The following NCOR1 variants were observed in gnomAD, a reference collection of about 807,000 sequenced individuals.
NCOR1 encodes nuclear receptor corepressor 1.
Under a neutral mutation model 288.1 loss-of-function variants are expected in NCOR1, and 63 were observed. The observed-to-expected ratio is 0.22, with a 90% CI of 0.18 to 0.27. The LOEUF is 0.27. Ranked by LOEUF, NCOR1 falls within the 10% of genes least tolerant of loss-of-function variation. The pLI is 1.00. For missense variants in NCOR1, 2,397 were observed against 3,019.2 expected (o/e 0.79, Z 4.83); for synonymous variants, 1,007 against 1,065.9 (o/e 0.94, Z 1.08).
intron 22 of NCOR1, 106 bp from the exon 23 acceptor site, chr17:16,086,548 G>T (rs1180039700): frequency 2.0e-6 from 2 of 1,008,188 alleles, no homozygotes; most frequent in African/African-American, 1.6e-5. Flanking sequence ...ATTAAAAAAT[G>T]TAAGATGAAA....
chr17:16,199,825 T>C (rs1367949261), intron 1 of NCOR1, among the ~76,000 whole-genome samples: 2 of 152,188 alleles, frequency 1.3e-5, no homozygotes, highest in African/African-American at 4.8e-5. Flanking sequence ...TATCAACATA[T>C]AATGTTTTAG....
intron 22 of NCOR1, among the ~76,000 whole-genome samples, chr17:16,089,174 A>G (rs1330557330): frequency 6.6e-6 from 1 of 151,202 alleles, no homozygotes; most frequent in Non-Finnish European, 1.5e-5. Context: ...AAACACAGCT[A>G]TCTACATCAC....
chr17:16,077,450 A>AGGGG (rs2062643653), intron 26 of NCOR1, among the ~76,000 whole-genome samples: 1 of 99,804 alleles, frequency 1.0e-5, no homozygotes, highest in Admixed American at 1.1e-4. Flanking sequence ...AAGGAAAGGG[A>AGGGG]AGGAGAGGAG....
chr17:16,029,301 A>C lies in NCOR1; in HGVS notation c.*2995T>G, dbSNP rs1170787505. 2.2e-6 allele frequency: 1 copy of C among 449,770 alleles called. No homozygotes were observed. The highest frequency in any genetic ancestry group is 1.6e-5 in the South Asian group (1 of 62,656). The allele number at this position is 449,770 out of a possible 1,614,324, so 27.9% of individuals were successfully genotyped here. ...CATTACAGTTCATTTACACTGTTGT[A>C]AAATAAGGTACTGAAGCAAAAGGAG... On this transcript the variant is annotated 3_prime_UTR_variant, in exon 46 of 46. Transcript: ENST00000268712.
intron 18 of NCOR1, among the ~76,000 whole-genome samples, chr17:16,110,553 A>C (rs1309122503): frequency 6.6e-6 from 1 of 152,230 alleles, no homozygotes; most frequent in African/African-American, 2.4e-5. Flanking sequence ...ATGTTACTAA[A>C]TAGAAGGCTT....
chr17:16,075,514 T>G lies in NCOR1; in HGVS notation c.3670+20A>C, dbSNP rs770048145. 5.1e-5 allele frequency: 82 copies of G among 1,610,848 alleles called. No individual in the cohort carries two copies. The highest frequency in any genetic ancestry group is 6.8e-5 in the Non-Finnish European group (80 of 1,177,634). ...GCACATATTGTAATACTGGCTTTGG[T>G]GCATACATACAATACTTACTATCAT... On this transcript the variant is annotated intron_variant, in intron 27 of 45. Transcript: ENST00000268712.
chr17:16,067,575 G>A (rs986721385), intron 32 of NCOR1, among the ~76,000 whole-genome samples: 1 of 152,214 alleles, frequency 6.6e-6, no homozygotes, highest in East Asian at 1.9e-4. Context: ...TATGCTGTAA[G>A]TTAACATGTT....
chr17:16,092,696 T>TATATATATATATATA (rs1491299823), intron 21 of NCOR1, among the ~76,000 whole-genome samples: 3 of 9,320 alleles, frequency 3.2e-4, no homozygotes, highest in African/African-American at 1.5e-3. Context: ...TATATATATA[T>TATATATATATATATA]TTTTTTTTTT....
intron 8 of NCOR1, chr17:16,151,715 A>G (rs2078894185): frequency 8.6e-7 from 1 of 1,163,016 alleles, no homozygotes; most frequent in African/African-American, 1.6e-5. Flanking sequence ...TTATAAAACC[A>G]GCTAGTTTTA....
In NCOR1 at chr17:16,089,229, T is replaced by C. The variant is rs150771398; in HGVS notation, c.3016+2634A>G. On this transcript the variant is annotated intron_variant, in intron 22 of 45. Coordinates refer to ENST00000268712, the MANE Select transcript of NCOR1 (RefSeq NM_006311.4). Reference sequence around the variant, plus strand: ...AAGAAAAACAGCAACAGCAACAAAATAAACATGCAACAAACTAGGGTCAGT... The same window carrying C: ...AAGAAAAACAGCAACAGCAACAAAACAAACATGCAACAAACTAGGGTCAGT... Among the ~76,000 whole-genome samples, 250 of 150,546 alleles carry C rather than the reference T, an allele frequency of 1.7e-3. 1 individual carries two copies. The highest frequency in any genetic ancestry group is 5.6e-3 in the African/African-American group (231 of 41,080).
Position 16,101,871 on chromosome 17 carries a change from T to C in NCOR1, c.2183-114A>G, listed in dbSNP as rs532315447. 8 of 1,342,604 alleles carry C rather than the reference T, an allele frequency of 6.0e-6. No individual in the cohort carries two copies. In the South Asian group the frequency reaches 1.0e-4, roughly 17 times the overall value. 83.2% of individuals were successfully genotyped at this position (1,342,604 alleles called of 1,614,324 possible). A position where few individuals can be genotyped will look rare whatever the true frequency, so the allele number is the denominator to read the frequency against. Reference sequence around the variant, plus strand: ...ATGTTTCAGGTGGTGATAGAAACCATGTTTGAAAGTAGTTGTTTAGGATGA... The same window carrying C: ...ATGTTTCAGGTGGTGATAGAAACCACGTTTGAAAGTAGTTGTTTAGGATGA... On this transcript the variant is annotated intron_variant, in intron 19 of 45. Coordinates refer to ENST00000268712, the MANE Select transcript of NCOR1 (RefSeq NM_006311.4).
chr17:16,040,131 T>G, intron 43 of NCOR1: 1 of 517,172 alleles, frequency 1.9e-6, no homozygotes, highest in Admixed American at 2.3e-5. Flanking sequence ...TAAGGAAATT[T>G]GTTTCCCAAG....
At chr17:16,092,678 TATATATATATA>T (rs1305233552) in intron 21 of NCOR1, among the ~76,000 whole-genome samples, 274 of 24,996 alleles carry the variant, frequency 0.011, 28 homozygotes, top group African/African-American at 0.031. Context: ...TATATATATA[TATATATATATA>T]TATATATTTT....
chr17:16,184,155 T>C (rs178822), intron 3 of NCOR1, among the ~76,000 whole-genome samples: 80,685 of 152,100 alleles, frequency 0.53, 21,835 homozygotes, highest in Middle Eastern at 0.61. Flanking sequence ...AGAAAAGCTC[T>C]GGGACACCGA....
Position 16,057,494 on chromosome 17 carries a change from A to C in NCOR1, c.6392+20T>G, listed in dbSNP as rs2060073197. 1.9e-6 allele frequency: 3 copies of C among 1,602,260 alleles called. No homozygotes were observed. Among genetic ancestry groups the C allele is most frequent in the Non-Finnish European group, 2.6e-6 (3 of 1,169,432 alleles). On this transcript the variant is annotated intron_variant, in intron 40 of 45. Transcript: ENST00000268712. ...TTTACTGTTGGGCAATTTATATATAATTTGGAATAAAGATCATACCTTCCC... is the reference window on the plus strand; with the variant it reads ...TTTACTGTTGGGCAATTTATATATACTTTGGAATAAAGATCATACCTTCCC...
Position 16,125,904 on chromosome 17 carries a change from G to A in NCOR1, c.1634+178C>T, listed in dbSNP as rs35285459. ...ATTCAAACAGGTGAGAGGGTGCGAG[G>A]GGGTGGGTGAGGTATAATGGGTATA... On this transcript the variant is annotated intron_variant, in intron 15 of 45. Transcript: ENST00000268712. Among the ~76,000 whole-genome samples, 1,325 of 152,046 alleles carry A rather than the reference G, an allele frequency of 8.7e-3. 4 individuals are homozygous for A. Among genetic ancestry groups the A allele is most frequent in the Non-Finnish European group, 0.013 (916 of 67,988 alleles).
intron 18 of NCOR1, among the ~76,000 whole-genome samples, chr17:16,113,648 T>G (rs2070831330): frequency 6.6e-6 from 1 of 152,142 alleles, no homozygotes; most frequent in South Asian, 2.1e-4. Flanking sequence ...ATCCCAGTAC[T>G]TTGGAAGGCT....
At chr17:16,142,206 T>G (rs1387978802) in intron 11 of NCOR1, among the ~76,000 whole-genome samples, 1 of 152,230 alleles carries the variant, frequency 6.6e-6, no homozygotes, top group African/African-American at 2.4e-5. Context: ...CTTCTAAATG[T>G]GCTAAGTAGT....
At chr17:16,208,027 A>ATTTC (rs1427422227) in intron 1 of NCOR1, among the ~76,000 whole-genome samples, 4 of 110,062 alleles carry the variant, frequency 3.6e-5, no homozygotes, top group Admixed American at 9.8e-5. Flanking sequence ...ACCGTTCCAT[A>ATTTC]TTTCTTTCTT....
Sources: gnomAD v4.1 joint callset for allele counts (sites outside exome capture counted in the v4.1 genomes callset) on GRCh38, gnomAD v4.1.1 for gene constraint, MANE v1.5 for transcripts, NCBI Gene and HGNC (gene_info 2026-07-23, HGNC 2026-07-21) for gene names.